The following PRKCE variants were observed in gnomAD, a reference collection of about 807,000 sequenced individuals.
PRKCE encodes the protein protein kinase C epsilon, also known as protein kinase C epsilon type.
PRKCE carries 16 observed loss-of-function variants against 85.4 expected under a neutral mutation model. That is an observed-to-expected ratio of 0.19 (90% CI 0.13 to 0.28). PRKCE has a LOEUF of 0.28. PRKCE is among the 10% of genes least tolerant of loss of function. The pLI, the probability that PRKCE is intolerant of heterozygous loss-of-function variation, is 1.00. For missense variants in PRKCE, 573 were observed against 975.2 expected (o/e 0.59, Z 5.49); for synonymous variants, 388 against 371.5 (o/e 1.04, Z -0.51).
chr2:45,925,479 G>C (rs1446082986), intron 2 of PRKCE, among the ~76,000 whole-genome samples: 4 of 151,948 alleles, frequency 2.6e-5, no homozygotes, highest in Non-Finnish European at 1.5e-5. Flanking sequence ...TATCTTTAGT[G>C]GAGATGGGGT....
intron 14 of PRKCE, among the ~76,000 whole-genome samples, chr2:46,161,609 G>A (rs942040180): frequency 4.6e-5 from 7 of 152,066 alleles, no homozygotes; most frequent in Admixed American, 2.0e-4. Flanking sequence ...GTGAAGCCCA[G>A]GGGGAACCAT....
At chr2:45,896,893 G>A (rs537071955) in intron 2 of PRKCE, among the ~76,000 whole-genome samples, 1 of 152,210 alleles carries the variant, frequency 6.6e-6, no homozygotes, top group South Asian at 2.1e-4. Context: ...AGGCCAGCCT[G>A]GGGAACATAG....
intron 1 of PRKCE, among the ~76,000 whole-genome samples, chr2:45,656,486 A>G (rs2103704469): frequency 6.6e-6 from 1 of 152,378 alleles, no homozygotes; most frequent in South Asian, 2.1e-4. Context: ...GCTCATTACA[A>G]AGAGAAGGAA....
At chr2:45,806,514 T>A (rs1688255155) in intron 1 of PRKCE, among the ~76,000 whole-genome samples, 1 of 152,214 alleles carries the variant, frequency 6.6e-6, no homozygotes, top group Non-Finnish European at 1.5e-5. Context: ...TGTGCAGCCA[T>A]CACCACCATC....
At chr2:45,793,043 C>G (rs921049597) in intron 1 of PRKCE, among the ~76,000 whole-genome samples, 2 of 152,242 alleles carry the variant, frequency 1.3e-5, no homozygotes, top group Admixed American at 6.5e-5. Flanking sequence ...AGGTGATCTG[C>G]CCGCCTTGGC....
chr2:45,945,079 A>T (rs1700155133), intron 2 of PRKCE, among the ~76,000 whole-genome samples: 1 of 152,092 alleles, frequency 6.6e-6, no homozygotes, highest in Non-Finnish European at 1.5e-5. Context: ...CAGGGAAACG[A>T]TGGCCACACC....
Position 46,001,874 on chromosome 2 carries a change from G to A in PRKCE, c.966+328G>A, listed in dbSNP as rs1356267225. Among the ~76,000 whole-genome samples, 2 of 152,188 alleles carry A rather than the reference G, an allele frequency of 1.3e-5. No individual in the cohort carries two copies. Among genetic ancestry groups the A allele is most frequent in the Non-Finnish European group, 2.9e-5 (2 of 68,036 alleles). ...AAGGAAATGGACTTATCTGCTTCCA[G>A]AACTGGCATGAAAGCAATGTCAGTG... On this transcript the variant is annotated intron_variant, in intron 7 of 14. Transcript: ENST00000306156. The surrounding 1 kb of genome is among the most constrained non-coding windows in gnomAD (Gnocchi z 4.4).
intron 2 of PRKCE, among the ~76,000 whole-genome samples, chr2:45,866,804 A>C (rs1357323144): frequency 1.3e-5 from 2 of 152,254 alleles, no homozygotes; most frequent in Non-Finnish European, 2.9e-5. Flanking sequence ...CATACTGCAC[A>C]GTGCAGATCT....
chr2:46,176,286 C>T (rs974204311), intron 14 of PRKCE, among the ~76,000 whole-genome samples: 59 of 152,082 alleles, frequency 3.9e-4, no homozygotes, highest in African/African-American at 1.3e-3. Context: ...TCAACAGAAT[C>T]CCTAGAGTGG....
At chr2:45,956,800 C>T (rs1280680974) in intron 2 of PRKCE, among the ~76,000 whole-genome samples, 1 of 152,208 alleles carries the variant, frequency 6.6e-6, no homozygotes, top group Non-Finnish European at 1.5e-5. Flanking sequence ...ACCAGCACTT[C>T]ATATTTTCAG....
At chr2:46,096,892 G>A (rs1246060597) in intron 11 of PRKCE, among the ~76,000 whole-genome samples, 2 of 152,156 alleles carry the variant, frequency 1.3e-5, no homozygotes, top group Non-Finnish European at 2.9e-5. Context: ...AAGAGGGCAA[G>A]GCCTGCGGAC....
intron 1 of PRKCE, among the ~76,000 whole-genome samples, chr2:45,755,216 A>G (rs1683905020): frequency 6.6e-6 from 1 of 152,170 alleles, no homozygotes. Flanking sequence ...TTGTATAATA[A>G]TGGGCTGGTG....
chr2:45,931,725 G>C lies in PRKCE; in HGVS notation c.413-44704G>C, dbSNP rs564829688. Among the ~76,000 whole-genome samples the C allele has an allele frequency of 4.7e-5, 7 of 149,652 alleles. No individual in the cohort carries two copies. In the East Asian group the frequency reaches 1.4e-3, roughly 29 times the overall value. The stretch of plus-strand genomic sequence containing the variant: ...TACAGGTGACTGAATTTTTTTTTTT[G>C]AGAGAGAGTCTTGCTCTGCCACCCA... On this transcript the variant is annotated intron_variant, in intron 2 of 14. Coordinates refer to ENST00000306156, the MANE Select transcript of PRKCE (RefSeq NM_005400.3).
chr2:46,086,149 G>T, intron 10 of PRKCE, 59 bp from the exon 11 acceptor site: 1 of 1,556,084 alleles, frequency 6.4e-7, no homozygotes, highest in South Asian at 1.1e-5. Flanking sequence ...ACACTAAGCT[G>T]GCCTGTGTGG....
chr2:45,689,682 G>T (rs577562781), intron 1 of PRKCE, among the ~76,000 whole-genome samples: 144 of 152,130 alleles, frequency 9.5e-4, no homozygotes, highest in Admixed American at 2.6e-3. Context: ...GGCCGAGGGA[G>T]GTCAGGCATT....
At chr2:45,738,049 G>A (rs1682236133) in intron 1 of PRKCE, among the ~76,000 whole-genome samples, 1 of 152,020 alleles carries the variant, frequency 6.6e-6, no homozygotes, top group African/African-American at 2.4e-5. Flanking sequence ...CCTCTCCACA[G>A]TCCTGCTGCA....
intron 14 of PRKCE, among the ~76,000 whole-genome samples, chr2:46,170,531 T>C (rs1678792132): frequency 1.3e-5 from 2 of 152,226 alleles, no homozygotes; most frequent in Admixed American, 6.5e-5. Flanking sequence ...CCCCAGCAGT[T>C]AGAACAATTC....
chr2:46,062,834 G>T (rs1322047099), intron 10 of PRKCE, among the ~76,000 whole-genome samples: 3 of 152,026 alleles, frequency 2.0e-5, no homozygotes, highest in African/African-American at 7.2e-5. Context: ...TCGCTATGTT[G>T]GCCAGGCTGG....
intron 11 of PRKCE, among the ~76,000 whole-genome samples, chr2:46,128,048 G>A (rs767726647): frequency 4.6e-5 from 7 of 152,236 alleles, no homozygotes; most frequent in Non-Finnish European, 5.9e-5. Context: ...GTCTGCTACA[G>A]TGGGCAGTAA....
Sources: allele counts gnomAD v4.1 joint callset (sites outside exome capture counted in the v4.1 genomes callset), GRCh38; gene constraint gnomAD v4.1.1; non-coding constraint Gnocchi (gnomAD v3.1); transcripts MANE v1.5; gene names NCBI Gene and HGNC (gene_info 2026-07-23, HGNC 2026-07-21).